Variants in ADCY8 observed in about 807,000 individuals in gnomAD.
ADCY8 encodes adenylate cyclase type 8.
Under a neutral mutation model 119.7 loss-of-function variants are expected in ADCY8, and 51 were observed. The observed-to-expected ratio is 0.43, with a 90% confidence interval of 0.34 to 0.54. The LOEUF is 0.54. Ranked by LOEUF, ADCY8 falls within the 20% of genes least tolerant of loss-of-function variation. The pLI is 0.03. For synonymous variants in ADCY8, 665 were observed against 651.0 expected (o/e 1.02, Z -0.33); for missense variants, 1,383 against 1,598.8 (o/e 0.87, Z 2.30).
intron 7 of ADCY8, among the ~76,000 whole-genome samples, chr8:130,900,547 T>C (rs747401358): frequency 6.6e-6 from 1 of 152,214 alleles, no homozygotes; most frequent in East Asian, 1.9e-4. Flanking sequence ...TTCATCTTCC[T>C]GGGCCTCTTG....
chr8:130,806,581 G>T lies in ADCY8; in HGVS notation c.2914-6009C>A, dbSNP rs934866379. On this transcript the variant is annotated intron_variant, in intron 14 of 17. Transcript: ENST00000286355. ...GAGCAGTCATCCCTCTAGGCTCAAA[G>T]GGATGAGAAGAGCCCAAAAGGAGTG... Among the ~76,000 whole-genome samples the T allele has an allele frequency of 7.2e-5, 11 of 152,178 alleles. 1 individual carries two copies. The highest frequency in any genetic ancestry group is 2.7e-4 in the African/African-American group (11 of 41,448).
At chr8:130,921,640 A>C (rs997887594) in intron 5 of ADCY8, among the ~76,000 whole-genome samples, 3 of 151,620 alleles carry the variant, frequency 2.0e-5, no homozygotes, top group African/African-American at 7.3e-5. Flanking sequence ...TTTAGTAGAG[A>C]TGGGGTTTCT....
chr8:130,922,424 C>T (rs1161836728), intron 5 of ADCY8, among the ~76,000 whole-genome samples: 25 of 151,502 alleles, frequency 1.7e-4, no homozygotes, highest in African/African-American at 4.1e-4. Context: ...AACGAGCATG[C>T]TGCCTTCAAG....
chr8:130,846,631 TCTCCTTCCTTCC>T (rs879485696), intron 11 of ADCY8, among the ~76,000 whole-genome samples: 3,644 of 111,366 alleles, frequency 0.033, 89 homozygotes, highest in South Asian at 0.1. Context: ...CTTCCTTCCT[TCTCCTTCCTTCC>T]CTCCTTCCTT....
intron 13 of ADCY8, among the ~76,000 whole-genome samples, chr8:130,820,856 T>C (rs1482974249): frequency 6.6e-6 from 1 of 152,240 alleles, no homozygotes; most frequent in Non-Finnish European, 1.5e-5. Flanking sequence ...CTGCAACGCT[T>C]CCTCAAGACA....
chr8:130,849,800 C>G lies in ADCY8; in HGVS notation c.2214G>C (p.Val738=), dbSNP rs370694915. Residue 738 remains valine (V), a synonymous_variant, in exon 10 of 18, where the codon GTG becomes GTC. Coordinates refer to ENST00000286355, the MANE Select transcript of ADCY8 (RefSeq NM_001115.3). ...AIQSLLPSSR[V]MPMTIQFSIL... ...TGGAGAACTGGATGGTCATTGGCAT[C>G]ACTCTGCAGGGAAACACAGAATGTT... The G allele has an allele frequency of 2.2e-4, 352 of 1,611,568 alleles. 2 individuals are homozygous for G. Among genetic ancestry groups the G allele is most frequent in the Non-Finnish European group, 2.8e-4 (325 of 1,178,896 alleles).
intron 1 of ADCY8, among the ~76,000 whole-genome samples, chr8:131,004,871 T>C (rs1002223872): frequency 1.3e-5 from 2 of 152,166 alleles, no homozygotes; most frequent in Admixed American, 6.5e-5. Flanking sequence ...AGTGCACTTC[T>C]TCCCCCCTCA....
chr8:130,978,198 T>G (rs891659218), intron 2 of ADCY8, among the ~76,000 whole-genome samples: 3 of 152,230 alleles, frequency 2.0e-5, no homozygotes, highest in Non-Finnish European at 4.4e-5. Flanking sequence ...GGAATAATTG[T>G]GTGAAAACTA....
At chr8:130,852,812 A>G (rs1817579666) in intron 9 of ADCY8, among the ~76,000 whole-genome samples, 1 of 151,760 alleles carries the variant, frequency 6.6e-6, no homozygotes, top group East Asian at 1.9e-4. Flanking sequence ...AGTGCTATGC[A>G]CTTTCTGCCT....
intron 1 of ADCY8, among the ~76,000 whole-genome samples, chr8:131,022,285 C>G (rs1325888883): frequency 6.6e-6 from 1 of 152,138 alleles, no homozygotes; most frequent in Non-Finnish European, 1.5e-5. Flanking sequence ...CCTCCACCCC[C>G]AGGCAGGCCC....
intron 8 of ADCY8, among the ~76,000 whole-genome samples, chr8:130,875,264 T>C (rs1326604706): frequency 6.6e-6 from 1 of 152,202 alleles, no homozygotes; most frequent in Non-Finnish European, 1.5e-5. Context: ...TTGAAACCTG[T>C]CCTTCACATC....
At chr8:131,008,674 T>A (rs1225034726) in intron 1 of ADCY8, among the ~76,000 whole-genome samples, 2 of 152,166 alleles carry the variant, frequency 1.3e-5, no homozygotes, top group Non-Finnish European at 2.9e-5. Context: ...AATGTGGACG[T>A]GACTTTGGAA....
intron 1 of ADCY8, among the ~76,000 whole-genome samples, chr8:131,036,616 A>G (rs1322002727): frequency 6.6e-6 from 1 of 152,206 alleles, no homozygotes. Flanking sequence ...TAAACAAATA[A>G]GATAATTTCA....
chr8:130,875,123 G>A (rs1818513716), intron 8 of ADCY8, among the ~76,000 whole-genome samples: 1 of 152,062 alleles, frequency 6.6e-6, no homozygotes, highest in African/African-American at 2.4e-5. Context: ...ACACGAAATG[G>A]TACTTGATAT....
chr8:130,804,026 GC>G (rs1815866130), intron 14 of ADCY8, among the ~76,000 whole-genome samples: 1 of 152,298 alleles, frequency 6.6e-6, no homozygotes, highest in East Asian at 1.9e-4. Flanking sequence ...GTTTTCCTTG[GC>G]TTTGAACAAT....
At chr8:130,840,334 A>C (rs1817102155) in intron 11 of ADCY8, among the ~76,000 whole-genome samples, 1 of 138,186 alleles carries the variant, frequency 7.2e-6, no homozygotes, top group African/African-American at 2.5e-5. Flanking sequence ...ACAAGTAAAG[A>C]CAGAAGATAC....
Position 130,814,135 on chromosome 8 carries a change from G to T in ADCY8, c.2847C>A (p.Asn949Lys), listed in dbSNP as rs1165477639. ...EMKELREHNE[N>K]MLRNILPSHV... is the part of the protein sequence containing the mutation. ...GGCTGGGTAAGATATTCCGGAGCAT[G>T]TTCTCATTGTGTTCCCTCAGCTCCT... is the stretch of plus-strand genomic sequence containing the variant. The change falls in exon 14 of 18, where the codon AAC becomes AAA. Residue 949 changes from asparagine (N) to lysine (K), a missense_variant. By Grantham distance (94) the Asn-to-Lys change is moderately conservative. Transcript: ENST00000286355. 6.2e-7 allele frequency: 1 copy of T among 1,614,148 alleles called. No individual in the cohort carries two copies. Among genetic ancestry groups the T allele is most frequent in the Non-Finnish European group, 8.5e-7 (1 of 1,180,040 alleles).
chr8:130,856,672 C>T (rs1817746451), intron 9 of ADCY8, among the ~76,000 whole-genome samples: 1 of 152,182 alleles, frequency 6.6e-6, no homozygotes, highest in African/African-American at 2.4e-5. Context: ...ACATACATAG[C>T]ATATACATAT....
intron 2 of ADCY8, among the ~76,000 whole-genome samples, chr8:130,973,738 A>G (rs1821991473): frequency 1.3e-5 from 2 of 152,354 alleles, no homozygotes; most frequent in South Asian, 4.1e-4. Context: ...AAGGAGGGCT[A>G]ACGGCTTCTG....
Sources: gnomAD v4.1 joint callset for allele counts (sites outside exome capture counted in the v4.1 genomes callset) on GRCh38, gnomAD v4.1.1 for gene constraint, MANE v1.5 for transcripts, NCBI Gene and HGNC (gene_info 2026-07-23, HGNC 2026-07-21) for gene names.